PDE12: variants seen among roughly 807,000 people sequenced by gnomAD.
The protein encoded by PDE12 is 2',5'-phosphodiesterase 12.
PDE12 carries 26 observed loss-of-function variants against 45.4 expected under a neutral mutation model. That is an observed-to-expected ratio of 0.57 (90% CI 0.42 to 0.79). The LOEUF is 0.79. Ranked by LOEUF, PDE12 falls within the 30% of genes least tolerant of loss-of-function variation. The probability of loss-of-function intolerance (pLI) is 0.00; values close to 1 mark genes in which losing one functional copy is unlikely to be tolerated. For synonymous variants in PDE12, 283 were observed against 323.9 expected (o/e 0.87, Z 1.36); for missense variants, 668 against 790.0 (o/e 0.85, Z 1.85).
At chr3:57,629,250 A>G in the PDE12 span, among the ~76,000 whole-genome samples, 1 of 152,182 alleles carries the variant, frequency 6.6e-6, no homozygotes, top group Non-Finnish European at 1.5e-5. Context: ...AGAACTGAAC[A>G]TGAATTTACT....
At chr3:57,600,064 C>T in the PDE12 span, 4 of 151,896 alleles carry the variant, frequency 2.6e-5, no homozygotes, top group African/African-American at 9.7e-5. Flanking sequence ...GACAGGGTCT[C>T]ACTTTGTCAC....
chr3:57,645,593 C>G, the PDE12 span: 1 of 1,209,002 alleles, frequency 8.3e-7, no homozygotes, highest in African/African-American at 1.5e-5. Flanking sequence ...CTTTTATTAC[C>G]AAAAATAATT....
At chr3:57,582,606 G>A in the PDE12 span, among the ~76,000 whole-genome samples, 7 of 152,040 alleles carry the variant, frequency 4.6e-5, no homozygotes. Context: ...ATGTAAACCT[G>A]GTTGTCCCAG....
At chr3:57,581,175 A>G in the PDE12 span, among the ~76,000 whole-genome samples, 2 of 152,242 alleles carry the variant, frequency 1.3e-5, no homozygotes, top group African/African-American at 4.8e-5. Flanking sequence ...AGTATAAGTT[A>G]GAAACATGGT....
chr3:57,573,577 T>C, the PDE12 span, among the ~76,000 whole-genome samples: 2 of 152,182 alleles, frequency 1.3e-5, no homozygotes, highest in African/African-American at 2.4e-5. Flanking sequence ...TGCTTATTTA[T>C]TGATTGATCG....
chr3:57,641,407 AAGTG>A, the PDE12 span, among the ~76,000 whole-genome samples: 1 of 146,956 alleles, frequency 6.8e-6, no homozygotes, highest in Admixed American at 6.9e-5. Context: ...ATAATTCTAT[AAGTG>A]TTATATTATT....
the PDE12 span, among the ~76,000 whole-genome samples, chr3:57,649,637 A>AT: frequency 6.8e-6 from 1 of 148,088 alleles, no homozygotes; most frequent in African/African-American, 2.5e-5. Flanking sequence ...AGTGAAAAAA[A>AT]AAAAATATAT....
the PDE12 span, among the ~76,000 whole-genome samples, chr3:57,635,086 T>C: frequency 6.6e-6 from 1 of 152,196 alleles, no homozygotes. Context: ...ATATGCCAAA[T>C]ACATAAAACT....
chr3:57,649,762 C>T, the PDE12 span, among the ~76,000 whole-genome samples: 1 of 151,832 alleles, frequency 6.6e-6, no homozygotes, highest in East Asian at 1.9e-4. Context: ...GGATACCCTC[C>T]TTACCCTGCT....
chr3:57,633,411 A>G, the PDE12 span: 9 of 1,380,150 alleles, frequency 6.5e-6, no homozygotes, highest in African/African-American at 1.0e-4. Flanking sequence ...AAAACAATGG[A>G]TAACTATCAG....
At chr3:57,576,048 T>C in the PDE12 span, among the ~76,000 whole-genome samples, 2 of 152,194 alleles carry the variant, frequency 1.3e-5, no homozygotes, top group South Asian at 2.1e-4. Flanking sequence ...AGTACTTAGA[T>C]AGATGATGAT....
Position 57,560,416 on chromosome 3 carries a change from C to G in PDE12, c.*412C>G. ...TCTCGGCTCACTGCAACCTCCGCCC[C>G]CTGGGTTTAAGCGATTCTCCTGCCT... On this transcript the variant is annotated 3_prime_UTR_variant, in exon 3 of 3. Transcript: ENST00000311180. 1.6e-6 allele frequency: 1 copy of G among 612,794 alleles called. No homozygotes were observed. The highest frequency in any genetic ancestry group is 5.8e-5 in the Admixed American group (1 of 17,386). 38.0% of individuals were successfully genotyped at this position (612,794 alleles called of 1,614,324 possible). A position where few individuals can be genotyped will look rare whatever the true frequency, so the allele number is the denominator to read the frequency against.
chr3:57,614,071 T>TTA, the PDE12 span, among the ~76,000 whole-genome samples: 1 of 152,092 alleles, frequency 6.6e-6, no homozygotes, highest in Non-Finnish European at 1.5e-5. Context: ...TCCACAATTA[T>TTA]TATAGTCAAG....
At chr3:57,626,355 T>G in the PDE12 span, 4 of 152,250 alleles carry the variant, frequency 2.6e-5, no homozygotes, top group Non-Finnish European at 5.9e-5. Flanking sequence ...ATTTGGTTAT[T>G]TAGAGGATAA....
the PDE12 span, chr3:57,630,652 C>G: frequency 6.4e-7 from 1 of 1,560,720 alleles, no homozygotes; most frequent in Non-Finnish European, 8.7e-7. Flanking sequence ...TTAAGTTTAG[C>G]TTTTTGTTTT....
Position 57,561,631 on chromosome 3 carries a change from A to G in PDE12, c.*1627A>G. On this transcript the variant is annotated 3_prime_UTR_variant, in exon 3 of 3. Transcript: ENST00000311180. The stretch of plus-strand genomic sequence containing the variant: ...GATAACTATGTTATCTCATTTCTGC[A>G]TTTAATTAATAGCTCGAGTATTAAA... 1.0e-6 allele frequency: 1 copy of G among 985,218 alleles called. No homozygotes were observed. The highest frequency in any genetic ancestry group is 1.7e-5 in the African/African-American group (1 of 57,338). 61.0% of individuals were successfully genotyped at this position (985,218 alleles called of 1,614,324 possible).
chr3:57,613,979 C>T, the PDE12 span, among the ~76,000 whole-genome samples: 1 of 150,632 alleles, frequency 6.6e-6, no homozygotes, highest in African/African-American at 2.4e-5. Context: ...ATATACCCTG[C>T]TAACTAACAC....
chr3:57,634,451 A>AT, the PDE12 span: 1 of 479,962 alleles, frequency 2.1e-6, no homozygotes, highest in Non-Finnish European at 3.2e-6. Context: ...AAAAAAAAAA[A>AT]GGAGAGATCC....
At chr3:57,574,687 G>A in the PDE12 span, among the ~76,000 whole-genome samples, 2 of 152,110 alleles carry the variant, frequency 1.3e-5, no homozygotes, top group Non-Finnish European at 2.9e-5. Context: ...GATTACGGGT[G>A]TGAGCCGTGG....
Sources: gnomAD v4.1 joint callset for allele counts (sites outside exome capture counted in the v4.1 genomes callset) on GRCh38, gnomAD v4.1.1 for gene constraint, MANE v1.5 for transcripts, NCBI Gene and HGNC (gene_info 2026-07-23, HGNC 2026-07-21) for gene names.